ERN1: variants seen among roughly 807,000 people sequenced by gnomAD.
ERN1 encodes endoplasmic reticulum to nucleus signaling 1.
A neutral mutation model predicts 113.1 loss-of-function variants in ERN1; 39 were observed. The observed-to-expected ratio is 0.34, with a 90% CI of 0.27 to 0.45. The LOEUF (loss-of-function observed/expected upper bound fraction) is 0.45, where lower values mean the gene tolerates loss of function less well. Among genes scored for constraint, ERN1 ranks in the 20% least tolerant of loss-of-function variants. The pLI is 1.00. For synonymous variants in ERN1, 507 were observed against 515.9 expected, an observed-to-expected ratio of 0.98 and a Z score of 0.23; for missense variants, 976 against 1,274.8, an observed-to-expected ratio of 0.77 and a Z score of 3.57.
At chr17:64,076,852 G>A (rs1012993660) in intron 4 of ERN1, among the ~76,000 whole-genome samples, 5 of 152,174 alleles carry the variant, frequency 3.3e-5, no homozygotes, top group Middle Eastern at 3.4e-3. Flanking sequence ...CGCCCGCCTC[G>A]GCCTCCCAAA....
intron 1 of ERN1, among the ~76,000 whole-genome samples, chr17:64,119,383 T>TTG (rs1914895336): frequency 8.2e-6 from 1 of 121,260 alleles, no homozygotes; most frequent in African/African-American, 4.4e-5. Flanking sequence ...TAGGTTTTTT[T>TTG]TTTTTTTTTT....
intron 13 of ERN1, among the ~76,000 whole-genome samples, chr17:64,055,136 T>C (rs181421975): frequency 1.1e-4 from 17 of 152,358 alleles, no homozygotes; most frequent in Admixed American, 5.9e-4. Context: ...CATTGTGATA[T>C]AGTTAGAATG....
At chr17:64,099,866 T>C (rs545112336) in intron 1 of ERN1, among the ~76,000 whole-genome samples, 22 of 152,282 alleles carry the variant, frequency 1.4e-4, no homozygotes, top group African/African-American at 4.1e-4. Flanking sequence ...CTCTTCGCTT[T>C]GCCCAGGGCC....
intron 4 of ERN1, 90 bp downstream of exon 4, chr17:64,079,572 G>C: frequency 9.6e-7 from 1 of 1,042,156 alleles, no homozygotes; most frequent in Non-Finnish European, 1.5e-6. Context: ...AAAGCTCCAG[G>C]TGGGAGACAC....
Position 64,049,250 on chromosome 17 carries a change from C to A in ERN1, c.2254-48G>T. The A allele has an allele frequency of 6.6e-7, 1 of 1,522,342 alleles. No homozygotes were observed. Among genetic ancestry groups the A allele is most frequent in the Non-Finnish European group, 8.9e-7 (1 of 1,123,264 alleles). 94.3% of individuals were successfully genotyped at this position (1,522,342 alleles called of 1,614,324 possible). A position where few individuals can be genotyped will look rare whatever the true frequency, so the allele number is the denominator to read the frequency against. On this transcript the variant is annotated intron_variant, in intron 17 of 21. Transcript: ENST00000433197. This position sits in a 1 kb window ranked among gnomAD's most constrained non-coding sequence, Gnocchi z 4.7. ...AGAGGTCTGGGAGCAGAGTTTTCAT[C>A]CTCACTCACAGTCAGGGAGGGAGGA...
chr17:64,107,024 C>T (rs1228509687), intron 1 of ERN1, among the ~76,000 whole-genome samples: 1 of 152,196 alleles, frequency 6.6e-6, no homozygotes, highest in African/African-American at 2.4e-5. Context: ...TTGTGATTCT[C>T]TGCTTTATAA....
intron 1 of ERN1, among the ~76,000 whole-genome samples, chr17:64,103,816 G>A (rs2143466012): frequency 6.6e-6 from 1 of 152,298 alleles, no homozygotes; most frequent in East Asian, 1.9e-4. Context: ...GGGCAGACAG[G>A]TGTTCAAACA....
chr17:64,060,448 A>G lies in ERN1; in HGVS notation c.1206+21T>C, dbSNP rs762043036. 5.3e-6 allele frequency: 8 copies of G among 1,509,986 alleles called. No homozygotes were observed. In the African/African-American group the frequency reaches 1.1e-4, roughly 21 times the overall value. The allele number at this position is 1,509,986 out of a possible 1,614,324, so 93.5% of individuals were successfully genotyped here. A position where few individuals can be genotyped will look rare whatever the true frequency, so the allele number is the denominator to read the frequency against. On this transcript the variant is annotated intron_variant, in intron 11 of 21. Coordinates refer to ENST00000433197, the MANE Select transcript of ERN1 (RefSeq NM_001433.5). The stretch of plus-strand genomic sequence containing the variant: ...CAACACCTAACACCAACAACCCCCG[A>G]CTGGTCGCTTCCTCACTCACTTCCT...
Position 64,049,960 on chromosome 17 carries a change from G to A in ERN1, c.2254-758C>T, listed in dbSNP as rs941902818. 6.6e-6 allele frequency among the ~76,000 whole-genome samples: 1 copy of A among 152,136 alleles called. No homozygotes were observed. The highest frequency in any genetic ancestry group is 1.5e-5 in the Non-Finnish European group (1 of 68,012). On this transcript the variant is annotated intron_variant, in intron 17 of 21. Coordinates refer to ENST00000433197, the MANE Select transcript of ERN1 (RefSeq NM_001433.5). The surrounding 1 kb of genome is among the most constrained non-coding windows in gnomAD (Gnocchi z 4.7). ...CAGGTGAAGTGAGGGTCTAGTGTGA[G>A]GAAGCAGGGGCTCATCACCTCCCAT...
chr17:64,126,056 G>C (rs554007411), intron 1 of ERN1, among the ~76,000 whole-genome samples: 20 of 152,212 alleles, frequency 1.3e-4, no homozygotes, highest in African/African-American at 3.6e-4. Context: ...ACCAAACATG[G>C]GATATAGGTA....
At chr17:64,083,394 T>C (rs1598067696) in intron 2 of ERN1, among the ~76,000 whole-genome samples, 2 of 152,068 alleles carry the variant, frequency 1.3e-5, no homozygotes, top group African/African-American at 4.8e-5. Context: ...AGATTCTTGC[T>C]TTAAAAAAAA....
chr17:64,102,634 C>T (rs1914417997), intron 1 of ERN1: 10 of 979,020 alleles, frequency 1.0e-5, no homozygotes, highest in Non-Finnish European at 1.2e-5. Flanking sequence ...TTTCCAGATG[C>T]CTTGTGTGAT....
chr17:64,081,339 G>GC (rs892613410), intron 2 of ERN1, among the ~76,000 whole-genome samples: 9 of 151,918 alleles, frequency 5.9e-5, no homozygotes, highest in East Asian at 5.8e-4. Flanking sequence ...ATTCCCTTTG[G>GC]CCCCCCCATT....
At position 64,041,473 on chromosome 17, in the gene ERN1, A is replaced by G. The variant is rs1341663765; in HGVS notation, c.*2515T>C. On this transcript the variant is annotated 3_prime_UTR_variant, in exon 22 of 22. Coordinates refer to ENST00000433197, the MANE Select transcript of ERN1 (RefSeq NM_001433.5). ...TTCCACTTGCTGAGCACAGTGGGAAACCAGAATTCTCGAGACTAGAACTGG... is the reference window on the plus strand; with the variant it reads ...TTCCACTTGCTGAGCACAGTGGGAAGCCAGAATTCTCGAGACTAGAACTGG... 1 of 152,184 alleles carries G rather than the reference A, an allele frequency of 6.6e-6. No homozygotes were observed. Among genetic ancestry groups the G allele is most frequent in the Non-Finnish European group, 1.5e-5 (1 of 68,040 alleles). The allele number at this position is 152,184 out of a possible 1,614,324, so 9.4% of individuals were successfully genotyped here. A position where few individuals can be genotyped will look rare whatever the true frequency, so the allele number is the denominator to read the frequency against.
chr17:64,087,907 A>T (rs1398226471), intron 2 of ERN1, among the ~76,000 whole-genome samples: 1 of 152,182 alleles, frequency 6.6e-6, no homozygotes, highest in Admixed American at 6.5e-5. Context: ...CCCTAAATGC[A>T]GGGCTGGCAA....
rs969416249 is a variant in ERN1, at chr17:64,066,841, G to A, written c.672C>T (p.Ser224=). 6 of 1,613,834 alleles carry A rather than the reference G, an allele frequency of 3.7e-6. No homozygotes were observed. Among genetic ancestry groups the A allele is most frequent in the Middle Eastern group, 1.6e-4 (1 of 6,084 alleles). ...GCCAGACATAAAAGGCCACCACAGG[G>A]GAGGCGTAGTTTTGGATCCACAGGA... ...GDVLWIQNYA[S]PVVAFYVWQR... The change falls in exon 8 of 22, where the codon TCC becomes TCT. Residue 224 remains serine, a synonymous_variant. Coordinates refer to ENST00000433197, the MANE Select transcript of ERN1 (RefSeq NM_001433.5).
intron 17 of ERN1, among the ~76,000 whole-genome samples, chr17:64,050,195 C>T (rs974602654): frequency 6.6e-6 from 1 of 152,156 alleles, no homozygotes; most frequent in Non-Finnish European, 1.5e-5. Flanking sequence ...TTCTACCTCA[C>T]TGGATTTTCC....
At chr17:64,102,944 T>TTAC in intron 1 of ERN1, 2 of 985,366 alleles carry the variant, frequency 2.0e-6, no homozygotes, top group Non-Finnish European at 2.4e-6. Flanking sequence ...TGATGGTGAC[T>TTAC]TGTAGGAAGT....
chr17:64,063,939 A>AG lies in ERN1; in HGVS notation c.1087+46dup. The AG allele has an allele frequency of 6.3e-7, 1 of 1,587,096 alleles. No homozygotes were observed. Among genetic ancestry groups the AG allele is most frequent in the Non-Finnish European group, 8.6e-7 (1 of 1,160,592 alleles). ...CCAGGGCCGGCGGTCGCCCACCAGG[A>AG]GGCAGCACGCTGTCACCTCAGGCTA... is the stretch of plus-strand genomic sequence containing the variant. On this transcript the variant is annotated intron_variant, in intron 10 of 21. Transcript: ENST00000433197. The surrounding 1 kb of genome is among the most constrained non-coding windows in gnomAD (Gnocchi z 5.1).
Sources: gnomAD v4.1 joint callset for allele counts (sites outside exome capture counted in the v4.1 genomes callset) on GRCh38, gnomAD v4.1.1 for gene constraint, Gnocchi (gnomAD v3.1) non-coding constraint, MANE v1.5 for transcripts, NCBI Gene and HGNC (gene_info 2026-07-23, HGNC 2026-07-21) for gene names.